MPP3: variants seen among roughly 807,000 people sequenced by gnomAD.
MPP3 encodes the protein MAGUK p55 scaffold protein 3.
Under a neutral mutation model 80.7 loss-of-function variants are expected in MPP3, and 48 were observed. That is an observed-to-expected ratio of 0.59 (90% confidence interval 0.47 to 0.76). The LOEUF is 0.76. Ranked by LOEUF, MPP3 falls within the 30% of genes least tolerant of loss-of-function variation. The pLI is 0.00. For missense variants in MPP3, 620 were observed against 763.0 expected, an observed-to-expected ratio of 0.81 and a Z score of 2.21; for synonymous variants, 311 against 297.6, an observed-to-expected ratio of 1.04 and a Z score of -0.46.
At position 43,825,523 on chromosome 17, in the gene MPP3, A is replaced by C. The variant is rs2045653723; in HGVS notation, c.609+233T>G. ...TGAAAGGGAACCAGGGGAAGGAAGG[A>C]AGGCTGTGCTGAGGAGAAGGTCTAA... On this transcript the variant is annotated intron_variant, in intron 9 of 19. Coordinates refer to ENST00000398389, the MANE Select transcript of MPP3 (RefSeq NM_001932.6). 7 of 453,176 alleles carry C rather than the reference A, an allele frequency of 1.5e-5. No individual in the cohort carries two copies. The South Asian group carries it at 2.0e-4, about 13-fold the overall frequency. The allele number at this position is 453,176 out of a possible 1,614,324, so 28.1% of individuals were successfully genotyped here.
intron 16 of MPP3, 89 bp from the exon 17 acceptor site, chr17:43,811,294 T>A: frequency 2.1e-6 from 2 of 968,752 alleles, no homozygotes; most frequent in South Asian, 2.6e-5. Flanking sequence ...ATTTGGGAGT[T>A]CACTGCTGCT....
Position 43,829,518 on chromosome 17 carries a change from C to A in MPP3, c.441+136G>T, listed in dbSNP as rs1307054122. The A allele has an allele frequency of 5.9e-6, 6 of 1,023,442 alleles. No individual in the cohort carries two copies. In the South Asian group the frequency reaches 7.9e-5, roughly 13 times the overall value. 63.4% of individuals were successfully genotyped at this position (1,023,442 alleles called of 1,614,324 possible). A position where few individuals can be genotyped will look rare whatever the true frequency, so the allele number is the denominator to read the frequency against. On this transcript the variant is annotated intron_variant, in intron 7 of 19. Coordinates refer to ENST00000398389, the MANE Select transcript of MPP3 (RefSeq NM_001932.6). ...GGGTGCCCTGCACACAGAGGCACCA[C>A]AGGGATGAGCAGCAGCGCAGGCAAA...
intron 11 of MPP3, among the ~76,000 whole-genome samples, chr17:43,820,074 T>C (rs1004990694): frequency 6.6e-6 from 1 of 152,040 alleles, no homozygotes; most frequent in African/African-American, 2.4e-5. Flanking sequence ...GCCTCCCGAG[T>C]AGCTGGGACT....
In MPP3 at chr17:43,823,801, G is replaced by C. The variant is rs55808564; in HGVS notation, c.684+130C>G. ...GAATTAAAGTCCTCCACTGGGCACA[G>C]ATTACTAGGATCAGATCTATGATCT... On this transcript the variant is annotated intron_variant, in intron 10 of 19. Coordinates refer to ENST00000398389, the MANE Select transcript of MPP3 (RefSeq NM_001932.6). The C allele has an allele frequency of 0.012, 8,019 of 654,782 alleles. 258 individuals carry two copies. Among genetic ancestry groups the C allele is most frequent in the African/African-American group, 0.092 (4,779 of 52,220 alleles). The allele number at this position is 654,782 out of a possible 1,614,324, so 40.6% of individuals were successfully genotyped here.
chr17:43,803,144 G>A (rs1213877634), intron 19 of MPP3, among the ~76,000 whole-genome samples: 4 of 151,948 alleles, frequency 2.6e-5, no homozygotes, highest in East Asian at 1.9e-4. Flanking sequence ...AACTGCCCCC[G>A]GATCTTCAAC....
Position 43,809,020 on chromosome 17 carries a change from G to A in MPP3, c.1517C>T (p.Ala506Val), listed in dbSNP as rs2044733924. The A allele has an allele frequency of 1.3e-6, 2 of 1,573,782 alleles. No homozygotes were observed. The highest frequency in any genetic ancestry group is 2.7e-5 in the African/African-American group (2 of 73,296). Reference protein sequence around the residue: ...FKPYIIFVKPAIQEKRKTPPM... With the variant: ...FKPYIIFVKPVIQEKRKTPPM... ...TGGCGTTTTTCTTTTTTCCTGAATTGCAGGCTTTACAAATATAATATAGGG... is the reference window on the plus strand; with the variant it reads ...TGGCGTTTTTCTTTTTTCCTGAATTACAGGCTTTACAAATATAATATAGGG... The change falls in exon 19 of 20, where the codon GCA (alanine) becomes GTA (valine). Residue 506 changes from alanine (A) to valine (V), a missense_variant. Physicochemically the swap from Ala to Val is moderately conservative, Grantham distance 64. Coordinates refer to ENST00000398389, the MANE Select transcript of MPP3 (RefSeq NM_001932.6).
intron 19 of MPP3, among the ~76,000 whole-genome samples, chr17:43,804,892 G>A (rs546296969): frequency 9.2e-5 from 14 of 152,224 alleles, no homozygotes; most frequent in Non-Finnish European, 1.5e-4. Flanking sequence ...GATGGCATGC[G>A]CCTGTAATCC....
intron 18 of MPP3, among the ~76,000 whole-genome samples, chr17:43,809,650 C>T (rs536217124): frequency 1.1e-4 from 16 of 152,216 alleles, no homozygotes; most frequent in African/African-American, 2.6e-4. Flanking sequence ...GAGGCCGAGC[C>T]GGGTGGATCA....
chr17:43,832,775 C>A lies in MPP3; in HGVS notation c.-52G>T. On this transcript the variant is annotated 5_prime_UTR_variant, in exon 2 of 20. Transcript: ENST00000398389. ...GCCGGACTCACCCTCGGGCTGCTCCCCGCAGGAGGCCGAGCACCGACTCCC... is the reference window on the plus strand; with the variant it reads ...GCCGGACTCACCCTCGGGCTGCTCCACGCAGGAGGCCGAGCACCGACTCCC... 1 of 152,572 alleles carries A rather than the reference C, an allele frequency of 6.6e-6. No homozygotes were observed. The highest frequency in any genetic ancestry group is 2.0e-4 in the South Asian group (1 of 4,982). The allele number at this position is 152,572 out of a possible 1,614,324, so 9.5% of individuals were successfully genotyped here. A position where few individuals can be genotyped will look rare whatever the true frequency, so the allele number is the denominator to read the frequency against.
At chr17:43,828,419 A>G (rs1484495518) in intron 7 of MPP3, among the ~76,000 whole-genome samples, 1 of 152,198 alleles carries the variant, frequency 6.6e-6, no homozygotes, top group African/African-American at 2.4e-5. Flanking sequence ...CTGCAGCAGG[A>G]CGGCAGAAAG....
chr17:43,829,796 C>T lies in MPP3; in HGVS notation c.304-5G>A, dbSNP rs201562856. 2.9e-5 allele frequency: 46 copies of T among 1,612,180 alleles called. No individual in the cohort carries two copies. Among genetic ancestry groups the T allele is most frequent in the African/African-American group, 8.0e-5 (6 of 74,850 alleles). Reference sequence around the variant, plus strand: ...GTCATGTACCATGAGCACAGCCTGCCGGGAAAGCCAGAGAAAAGGAAGGCT... The same window carrying T: ...GTCATGTACCATGAGCACAGCCTGCTGGGAAAGCCAGAGAAAAGGAAGGCT... On this transcript the variant is annotated splice_polypyrimidine_tract_variant and splice_region_variant and intron_variant, in intron 6 of 19. Coordinates refer to ENST00000398389, the MANE Select transcript of MPP3 (RefSeq NM_001932.6).
chr17:43,812,156 T>C (rs575768630), intron 16 of MPP3, among the ~76,000 whole-genome samples: 1 of 152,316 alleles, frequency 6.6e-6, no homozygotes, highest in Admixed American at 6.5e-5. Flanking sequence ...TTGATTTCCA[T>C]AACAGAATTG....
At chr17:43,804,702 C>G (rs1026116766) in intron 19 of MPP3, among the ~76,000 whole-genome samples, 1 of 152,168 alleles carries the variant, frequency 6.6e-6, no homozygotes, top group African/African-American at 2.4e-5. Flanking sequence ...GACTTTATCA[C>G]ATTTTAAAAT....
Position 43,831,543 on chromosome 17 carries a change from T to C in MPP3, c.144+16A>G, listed in dbSNP as rs910286203. 6.4e-7 allele frequency: 1 copy of C among 1,566,938 alleles called. No individual in the cohort carries two copies. The highest frequency in any genetic ancestry group is 8.8e-7 in the Non-Finnish European group (1 of 1,138,452). ...CCTCTAGACACCCTTCCACGCAGGA[T>C]GACGTGGGACTTCACCTTCATTAAG... On this transcript the variant is annotated intron_variant, in intron 4 of 19. Coordinates refer to ENST00000398389, the MANE Select transcript of MPP3 (RefSeq NM_001932.6).
intron 9 of MPP3, 72 bp downstream of exon 9, chr17:43,825,684 C>A: frequency 9.4e-7 from 1 of 1,067,722 alleles, no homozygotes; most frequent in South Asian, 1.3e-5. Context: ...AGAATCTGTC[C>A]TGGCTCCAGG....
At chr17:43,811,241 G>A in intron 16 of MPP3, 36 bp from the exon 17 acceptor site, 2 of 1,528,152 alleles carry the variant, frequency 1.3e-6, no homozygotes, top group Non-Finnish European at 9.1e-7. Flanking sequence ...GCAAAGAGAT[G>A]TCACATCACA....
rs758418747 is a variant in MPP3, at chr17:43,816,641, C to A, written c.967+36G>T. The A allele has an allele frequency of 4.9e-5, 76 of 1,557,938 alleles. No homozygotes were observed. In the South Asian group the frequency reaches 7.7e-4, roughly 16 times the overall value. ...CCCCAGACGTTCCACGGAAAAGGGG[C>A]CACGCCTGTGGACAGCGGATAGATA... On this transcript the variant is annotated intron_variant, in intron 13 of 19. Coordinates refer to ENST00000398389, the MANE Select transcript of MPP3 (RefSeq NM_001932.6).
rs1156962085 is a variant in MPP3, at chr17:43,812,002, G to C, written c.1256-797C>G. On this transcript the variant is annotated intron_variant, in intron 16 of 19. Transcript: ENST00000398389. ...AGGAGCCACACATACACTTGACCCT[G>C]ATGTATGCTTTTAATTCTTTAGTCA... Among the ~76,000 whole-genome samples, 7 of 152,162 alleles carry C rather than the reference G, an allele frequency of 4.6e-5. 1 individual carries two copies. The East Asian group carries it at 1.3e-3, about 29-fold the overall frequency.
At chr17:43,810,755 C>T (rs922425419) in intron 18 of MPP3, 52 bp downstream of exon 18, 2 of 1,235,574 alleles carry the variant, frequency 1.6e-6, no homozygotes, top group Non-Finnish European at 2.3e-6. Context: ...TGTACAATCC[C>T]CTAGTTATAA....
Sources: allele counts gnomAD v4.1 joint callset (sites outside exome capture counted in the v4.1 genomes callset), GRCh38; gene constraint gnomAD v4.1.1; transcripts MANE v1.5; gene names NCBI Gene and HGNC (gene_info 2026-07-23, HGNC 2026-07-21).